CFAP77: variants seen among roughly 807,000 people sequenced by gnomAD.
CFAP77 encodes the protein cilia and flagella associated protein 77.
In CFAP77, 25 loss-of-function variants were observed where a neutral mutation model predicts 31.1. The observed-to-expected ratio is 0.80, with a 90% CI of 0.59 to 1.12. CFAP77 has a LOEUF of 1.12. CFAP77 is among the 50% of genes most tolerant of loss of function. The pLI, the probability that CFAP77 is intolerant of heterozygous loss-of-function variation, is 0.00. For missense variants in CFAP77, 377 were observed against 397.3 expected (o/e 0.95, Z 0.44); for synonymous variants, 151 against 159.9 (o/e 0.94, Z 0.42).
intron 3 of CFAP77, among the ~76,000 whole-genome samples, chr9:132,519,298 GAAT>G: frequency 6.7e-6 from 1 of 149,134 alleles, no homozygotes; most frequent in Non-Finnish European, 1.5e-5. Flanking sequence ...GTGGATGGAT[GAAT>G]GGATGGATGG....
chr9:132,485,434 A>G (rs1176810837), intron 1 of CFAP77, among the ~76,000 whole-genome samples: 1 of 152,220 alleles, frequency 6.6e-6, no homozygotes, highest in South Asian at 2.1e-4. Flanking sequence ...TTGGCCCCCA[A>G]GCTCATGTTC....
intron 3 of CFAP77, among the ~76,000 whole-genome samples, chr9:132,530,612 TTTTGA>T (rs994846129): frequency 4.6e-5 from 7 of 151,958 alleles, no homozygotes; most frequent in African/African-American, 1.7e-4. Context: ...GGTTTTTTGG[TTTTGA>T]TTTGTTTTGT....
In CFAP77 at chr9:132,415,522, C is replaced by T. The variant is rs1420043158; in HGVS notation, c.195+5056C>T. Among the ~76,000 whole-genome samples, 3 of 152,216 alleles carry T rather than the reference C, an allele frequency of 2.0e-5. 1 individual carries two copies. Among genetic ancestry groups the T allele is most frequent in the South Asian group, 4.1e-4 (2 of 4,830 alleles). On this transcript the variant is annotated intron_variant, in intron 1 of 5. Coordinates refer to ENST00000393216, the MANE Select transcript of CFAP77 (RefSeq NM_001282957.2). ...CTTTGGCTTTGAAGCGTTAATTAAG[C>T]GCAGACCTCAGCACTCAGGTTCCTC...
chr9:132,482,410 G>T (rs574252509), intron 1 of CFAP77: 1 of 1,611,944 alleles, frequency 6.2e-7, no homozygotes, highest in Admixed American at 1.7e-5. Flanking sequence ...ATCAAAGGAG[G>T]CCCACAGGTG....
intron 3 of CFAP77, among the ~76,000 whole-genome samples, chr9:132,523,779 A>G (rs2119024389): frequency 6.6e-6 from 1 of 152,264 alleles, no homozygotes. Context: ...AGGCTCGGGT[A>G]TCATCAATAC....
chr9:132,533,280 G>A (rs1852489367), intron 3 of CFAP77, among the ~76,000 whole-genome samples: 3 of 152,240 alleles, frequency 2.0e-5, no homozygotes, highest in African/African-American at 7.2e-5. Context: ...TCATGGGAAA[G>A]GTGGTTCCCA....
intron 1 of CFAP77, among the ~76,000 whole-genome samples, chr9:132,437,548 C>T (rs1283829662): frequency 7.9e-6 from 1 of 126,472 alleles, no homozygotes; most frequent in East Asian, 2.4e-4. Flanking sequence ...CTCACTCTGT[C>T]ACCCAGGCTG....
At chr9:132,478,042 C>G (rs980486621) in intron 1 of CFAP77, among the ~76,000 whole-genome samples, 1 of 152,056 alleles carries the variant, frequency 6.6e-6, no homozygotes, top group Admixed American at 6.6e-5. Flanking sequence ...TCCTTCTCGT[C>G]TACCCAACCT....
chr9:132,469,550 C>A (rs572171236), intron 1 of CFAP77, among the ~76,000 whole-genome samples: 1 of 152,268 alleles, frequency 6.6e-6, no homozygotes, highest in African/African-American at 2.4e-5. Flanking sequence ...GGCGAGGGGA[C>A]ATAGAGGCAC....
At chr9:132,470,695 T>G (rs1353415558) in intron 1 of CFAP77, among the ~76,000 whole-genome samples, 4 of 152,244 alleles carry the variant, frequency 2.6e-5, no homozygotes, top group Non-Finnish European at 5.9e-5. Context: ...CATGTCTGCC[T>G]TTGTGCGCCC....
chr9:132,414,733 C>T (rs111779634), intron 1 of CFAP77, among the ~76,000 whole-genome samples: 15 of 152,264 alleles, frequency 9.9e-5, no homozygotes, highest in African/African-American at 1.4e-4. Flanking sequence ...CCGCCCTCCT[C>T]GGCTCCTAAA....
intron 4 of CFAP77, among the ~76,000 whole-genome samples, chr9:132,538,159 G>T (rs564149493): frequency 2.6e-5 from 4 of 152,232 alleles, no homozygotes; most frequent in Non-Finnish European, 4.4e-5. Flanking sequence ...GTGCCTTAAA[G>T]AACACATTAT....
At chr9:132,427,544 G>A (rs1190522901) in intron 1 of CFAP77, among the ~76,000 whole-genome samples, 1 of 152,142 alleles carries the variant, frequency 6.6e-6, no homozygotes, top group Non-Finnish European at 1.5e-5. Context: ...GAACCCGGGA[G>A]GCGGAGGTTG....
In CFAP77 at chr9:132,410,431, C is replaced by A. The variant is rs1038529102; in HGVS notation, c.160C>A (p.Arg54=). 4.4e-6 allele frequency: 7 copies of A among 1,596,772 alleles called. No individual in the cohort carries two copies. Among genetic ancestry groups the A allele is most frequent in the Non-Finnish European group, 6.0e-6 (7 of 1,173,400 alleles). The change falls in exon 1 of 6, where the codon CGG becomes AGG. Residue 54 remains arginine (R), a synonymous_variant. Coordinates refer to ENST00000393216, the MANE Select transcript of CFAP77 (RefSeq NM_001282957.2). ...GMENERLGVV[R]DSMFQNPLIV... is the part of the protein sequence containing the mutation. ...GGAGAACGAGCGGCTGGGGGTCGTG[C>A]GGGACTCCATGTTTCAGAACCCTCT... is the stretch of plus-strand genomic sequence containing the variant.
At chr9:132,482,427 C>T in intron 1 of CFAP77, 1 of 1,603,444 alleles carries the variant, frequency 6.2e-7, no homozygotes, top group South Asian at 1.1e-5. Flanking sequence ...GGTGTTTCTT[C>T]CTTCTGCTAA....
At chr9:132,525,134 G>A (rs896834520) in intron 3 of CFAP77, among the ~76,000 whole-genome samples, 5 of 149,742 alleles carry the variant, frequency 3.3e-5, no homozygotes, top group African/African-American at 1.2e-4. Flanking sequence ...GTTCTCCTGC[G>A]TCAGCCTCCT....
chr9:132,411,609 C>T (rs919893509), intron 1 of CFAP77, among the ~76,000 whole-genome samples: 1 of 152,144 alleles, frequency 6.6e-6, no homozygotes, highest in Non-Finnish European at 1.5e-5. Context: ...GGAACAAGGT[C>T]CTTCACTTAC....
intron 1 of CFAP77, among the ~76,000 whole-genome samples, chr9:132,467,220 A>C (rs1386973617): frequency 6.6e-6 from 1 of 152,144 alleles, no homozygotes; most frequent in Non-Finnish European, 1.5e-5. Context: ...AAAATTTACC[A>C]TCTTAACTAT....
At chr9:132,528,454 T>G (rs1050910450) in intron 3 of CFAP77, among the ~76,000 whole-genome samples, 1 of 148,972 alleles carries the variant, frequency 6.7e-6, no homozygotes, top group Non-Finnish European at 1.5e-5. Context: ...GGGCAAGGTC[T>G]TCATGTCCAA....
Sources: allele counts gnomAD v4.1 joint callset (sites outside exome capture counted in the v4.1 genomes callset), GRCh38; gene constraint gnomAD v4.1.1; transcripts MANE v1.5; gene names NCBI Gene and HGNC (gene_info 2026-07-23, HGNC 2026-07-21).